Variants in PAX3 observed in about 807,000 individuals in gnomAD.
PAX3 encodes paired box protein Pax-3.
In PAX3, 14 loss-of-function variants were observed where a neutral mutation model predicts 51.6. The ratio of observed to expected loss-of-function variants is 0.27; its 90% CI spans 0.18 to 0.42. PAX3 has a LOEUF of 0.42. Ranked by LOEUF, PAX3 falls within the 10% of genes least tolerant of loss-of-function variation. PAX3 has a pLI of 1.00. For synonymous variants in PAX3, 280 were observed against 253.4 expected, an observed-to-expected ratio of 1.11 and a Z score of -1.00; for missense variants, 540 against 642.8, an observed-to-expected ratio of 0.84 and a Z score of 1.73.
rs1691277167 is a variant in PAX3, at chr2:222,201,230, T to C, written c.*178A>G. The C allele has an allele frequency of 1.9e-6, 3 of 1,613,982 alleles. No individual in the cohort carries two copies. ...CTTTTGTCGAACGTGTTCAAAAGGA[T>C]TTGAAACCAACTATTGGAGGAAGAA... On this transcript the variant is annotated 3_prime_UTR_variant, in exon 9 of 9. Transcript: ENST00000392070.
intron 5 of PAX3, chr2:222,221,620 C>G (rs1410242533): frequency 2.0e-6 from 1 of 492,864 alleles, no homozygotes; most frequent in Admixed American, 3.2e-5. Flanking sequence ...ACAACAGCCC[C>G]CATGAACCTT....
intron 5 of PAX3, among the ~76,000 whole-genome samples, chr2:222,222,942 G>T (rs1559265687): frequency 6.6e-6 from 1 of 152,142 alleles, no homozygotes; most frequent in Non-Finnish European, 1.5e-5. Context: ...ACGAGCGATC[G>T]CTTGAGATGG....
At chr2:222,240,260 G>T (rs560196969) in intron 4 of PAX3, among the ~76,000 whole-genome samples, 2 of 152,240 alleles carry the variant, frequency 1.3e-5, no homozygotes, top group South Asian at 4.2e-4. Context: ...TTGGGTGTTT[G>T]TTTAAGATAA....
At chr2:222,262,887 T>A (rs1285515193) in intron 4 of PAX3, 1 of 152,162 alleles carries the variant, frequency 6.6e-6, no homozygotes, top group African/African-American at 2.4e-5. Context: ...AAGGAACGAC[T>A]TTTCAACCAA....
chr2:222,211,672 T>C (rs1202709250), intron 7 of PAX3, among the ~76,000 whole-genome samples: 1 of 152,198 alleles, frequency 6.6e-6, no homozygotes, highest in Non-Finnish European at 1.5e-5. Flanking sequence ...ACGTGGGTTT[T>C]CCATTATTAG....
At chr2:222,293,312 C>T (rs1389421558) in intron 4 of PAX3, among the ~76,000 whole-genome samples, 1 of 152,182 alleles carries the variant, frequency 6.6e-6, no homozygotes, top group Non-Finnish European at 1.5e-5. Flanking sequence ...CTGCAATGAT[C>T]CTTTCCTGGT....
chr2:222,222,933 C>T (rs558967015), intron 5 of PAX3, among the ~76,000 whole-genome samples: 6 of 152,262 alleles, frequency 3.9e-5, no homozygotes, highest in South Asian at 2.1e-4. Context: ...CTAATTTCGA[C>T]GAGCGATCGC....
rs375439280 is a variant in PAX3, at chr2:222,278,806, G to A, written c.586+15361C>T. ...CTATCTCCTGCCCCCACCAAACACG[G>A]ACACCTGAAATTCTACCTTTAGGGA... On this transcript the variant is annotated intron_variant, in intron 4 of 8. Transcript: ENST00000392070. 5.9e-5 allele frequency among the ~76,000 whole-genome samples: 9 copies of A among 152,344 alleles called. No homozygotes were observed. The South Asian group carries it at 1.2e-3, about 21-fold the overall frequency.
At chr2:222,208,021 A>G (rs2106045944) in intron 7 of PAX3, among the ~76,000 whole-genome samples, 1 of 148,974 alleles carries the variant, frequency 6.7e-6, no homozygotes, top group East Asian at 1.9e-4. Context: ...ATATATATAT[A>G]ACTTCTAGTT....
At chr2:222,203,295 A>C (rs1347589026) in intron 7 of PAX3, among the ~76,000 whole-genome samples, 3 of 151,826 alleles carry the variant, frequency 2.0e-5, no homozygotes, top group African/African-American at 7.3e-5. Flanking sequence ...ACGAGAGAGG[A>C]AGCGATTTTT....
chr2:222,234,162 ATAGAG>A (rs1692712774), intron 4 of PAX3, among the ~76,000 whole-genome samples: 1 of 152,212 alleles, frequency 6.6e-6, no homozygotes, highest in Non-Finnish European at 1.5e-5. Context: ...CTAAGAGGCA[ATAGAG>A]TAAATTAATA....
intron 4 of PAX3, among the ~76,000 whole-genome samples, chr2:222,286,629 G>A (rs1018267174): frequency 1.3e-5 from 2 of 152,230 alleles, no homozygotes; most frequent in South Asian, 2.1e-4. Flanking sequence ...TGTATGCAAC[G>A]TGCAAGGCAA....
At chr2:222,273,264 G>A (rs1694311856) in intron 4 of PAX3, among the ~76,000 whole-genome samples, 2 of 152,142 alleles carry the variant, frequency 1.3e-5, no homozygotes, top group Admixed American at 1.3e-4. Flanking sequence ...ATGGAACAGG[G>A]TTGTGGCTTC....
chr2:222,206,335 T>C (rs1401672008), intron 7 of PAX3, among the ~76,000 whole-genome samples: 2 of 152,072 alleles, frequency 1.3e-5, no homozygotes, highest in Non-Finnish European at 2.9e-5. Context: ...CTGCTCTGTC[T>C]CATTAGAAAA....
At chr2:222,263,805 C>A (rs924847137) in intron 4 of PAX3, 1 of 152,118 alleles carries the variant, frequency 6.6e-6, no homozygotes, top group Non-Finnish European at 1.5e-5. Flanking sequence ...CTCAGCAATA[C>A]AAAGGGGTGA....
Position 222,269,496 on chromosome 2 carries a change from G to A in PAX3, c.586+24671C>T, listed in dbSNP as rs567397627. Among the ~76,000 whole-genome samples the A allele has an allele frequency of 2.0e-5, 3 of 152,294 alleles. No homozygotes were observed. The South Asian group carries it at 6.2e-4, about 32-fold the overall frequency. On this transcript the variant is annotated intron_variant, in intron 4 of 8. Coordinates refer to ENST00000392070, the MANE Select transcript of PAX3 (RefSeq NM_181458.4). ...AACGGTCACCATGGCTAAAGGCTTC[G>A]TGAAGAGGAGGCTGGCCTGTGACTT...
intron 4 of PAX3, among the ~76,000 whole-genome samples, chr2:222,267,221 A>T (rs142724159): frequency 1.3e-5 from 2 of 152,342 alleles, no homozygotes; most frequent in African/African-American, 4.8e-5. Flanking sequence ...GGAGTAAGAA[A>T]AAAGAGACTA....
chr2:222,269,252 A>T (rs1445090322), intron 4 of PAX3, among the ~76,000 whole-genome samples: 3 of 152,104 alleles, frequency 2.0e-5, no homozygotes, highest in Non-Finnish European at 2.9e-5. Flanking sequence ...ACTCACTTCA[A>T]ACTGCCTTGA....
At chr2:222,237,265 T>C (rs988513601) in intron 4 of PAX3, among the ~76,000 whole-genome samples, 6 of 151,878 alleles carry the variant, frequency 4.0e-5, no homozygotes, top group South Asian at 2.1e-4. Flanking sequence ...TCAGAGGACA[T>C]GCTTGCTGGC....
Sources: allele counts gnomAD v4.1 joint callset (sites outside exome capture counted in the v4.1 genomes callset), GRCh38; gene constraint gnomAD v4.1.1; transcripts MANE v1.5; gene names NCBI Gene and HGNC (gene_info 2026-07-23, HGNC 2026-07-21).